PPP4R3A: variants seen among roughly 807,000 people sequenced by gnomAD.
PPP4R3A encodes protein phosphatase 4 regulatory subunit 3A.
A neutral mutation model predicts 91.7 loss-of-function variants in PPP4R3A; 15 were observed. The ratio of observed to expected loss-of-function variants is 0.16; its 90% CI spans 0.11 to 0.25. The LOEUF (loss-of-function observed/expected upper bound fraction) is 0.25, where lower values mean the gene tolerates loss of function less well. Ranked by LOEUF, PPP4R3A falls within the 10% of genes least tolerant of loss-of-function variation. PPP4R3A has a pLI of 1.00. For missense variants in PPP4R3A, 623 were observed against 998.4 expected (o/e 0.62, Z 5.07); for synonymous variants, 377 against 348.7 (o/e 1.08, Z -0.91).
At chr14:91,496,645 G>A (rs1483159092) in intron 1 of PPP4R3A, among the ~76,000 whole-genome samples, 2 of 152,100 alleles carry the variant, frequency 1.3e-5, no homozygotes, top group South Asian at 2.1e-4. Context: ...TGTTTTTCTG[G>A]TCTATTCAGG....
Position 91,458,389 on chromosome 14 carries a change from CCA to C in PPP4R3A, c.*368_*369del, listed in dbSNP as rs1027023244. On this transcript the variant is annotated 3_prime_UTR_variant, in exon 15 of 15. Coordinates refer to ENST00000554943, the MANE Select transcript of PPP4R3A (RefSeq NM_001366432.2). ...TAGTGAAGAATTATGGCAGAAAGGC[CCA>C]TTCTTCTGAGTCTCAAACATGGTCC... 7.3e-5 allele frequency: 20 copies of C among 274,238 alleles called. No homozygotes were observed. Among genetic ancestry groups the C allele is most frequent in the Non-Finnish European group, 1.2e-4 (17 of 139,974 alleles). The allele number at this position is 274,238 out of a possible 1,614,324, so 17.0% of individuals were successfully genotyped here. A position where few individuals can be genotyped will look rare whatever the true frequency, so the allele number is the denominator to read the frequency against.
At chr14:91,460,628 A>AT (rs1055026230) in intron 14 of PPP4R3A, among the ~76,000 whole-genome samples, 1 of 121,646 alleles carries the variant, frequency 8.2e-6, no homozygotes, top group Non-Finnish European at 1.7e-5. Flanking sequence ...TTTTCTTAAG[A>AT]TTTTGTTCCT....
chr14:91,498,914 A>G (rs1398258810), intron 1 of PPP4R3A, among the ~76,000 whole-genome samples: 1 of 107,306 alleles, frequency 9.3e-6, no homozygotes, highest in Non-Finnish European at 1.9e-5. Context: ...TGAGACTCCA[A>G]CTCAAAAAAA....
At chr14:91,478,357 C>A (rs1325884307) in intron 4 of PPP4R3A, among the ~76,000 whole-genome samples, 1 of 152,178 alleles carries the variant, frequency 6.6e-6, no homozygotes, top group Admixed American at 6.5e-5. Flanking sequence ...ACAAAGGAAG[C>A]AGTCAATGTT....
At chr14:91,490,898 T>C in intron 1 of PPP4R3A, 96 bp from the exon 2 acceptor site, 1 of 452,668 alleles carries the variant, frequency 2.2e-6, no homozygotes, top group Non-Finnish European at 3.4e-6. Flanking sequence ...AAAATAATAA[T>C]AATTTTTTTT....
chr14:91,478,114 C>T (rs981821892), intron 4 of PPP4R3A, among the ~76,000 whole-genome samples: 3 of 152,218 alleles, frequency 2.0e-5, no homozygotes, highest in Non-Finnish European at 4.4e-5. Flanking sequence ...TCTTCTGTGG[C>T]ACTAAGTTAG....
At chr14:91,500,228 G>A (rs376992486) in intron 1 of PPP4R3A, among the ~76,000 whole-genome samples, 854 of 2,040 alleles carry the variant, frequency 0.42, 9 homozygotes, top group African/African-American at 0.48. Flanking sequence ...TTTTTGAGAC[G>A]GATTTCACTC....
intron 1 of PPP4R3A, among the ~76,000 whole-genome samples, chr14:91,507,441 A>G (rs1200965158): frequency 2.2e-5 from 3 of 135,936 alleles, no homozygotes; most frequent in South Asian, 2.1e-4. Context: ...ATAATTATAT[A>G]TACTATATAG....
At chr14:91,475,194 T>C (rs1006109987) in intron 7 of PPP4R3A, 3 of 152,232 alleles carry the variant, frequency 2.0e-5, no homozygotes, top group African/African-American at 7.2e-5. Context: ...ATCAGAATCA[T>C]TGGTTCAATT....
intron 11 of PPP4R3A, among the ~76,000 whole-genome samples, chr14:91,464,270 G>A (rs547492918): frequency 1.6e-4 from 25 of 152,136 alleles, no homozygotes; most frequent in African/African-American, 4.8e-4. Context: ...GCAGTGAGTC[G>A]AGATCATGCC....
At chr14:91,461,052 ATTAG>A (rs1444388903) in intron 14 of PPP4R3A, among the ~76,000 whole-genome samples, 3 of 152,218 alleles carry the variant, frequency 2.0e-5, no homozygotes, top group Admixed American at 6.5e-5. Flanking sequence ...TTATCTGGGT[ATTAG>A]TTAGGAACAT....
chr14:91,460,635 TC>T (rs1443139528), intron 14 of PPP4R3A, among the ~76,000 whole-genome samples: 4 of 131,448 alleles, frequency 3.0e-5, no homozygotes, highest in African/African-American at 8.4e-5. Context: ...AAGATTTTGT[TC>T]CTTTTTTTTT....
chr14:91,469,766 G>A (rs1404082189), intron 10 of PPP4R3A, among the ~76,000 whole-genome samples: 7 of 151,978 alleles, frequency 4.6e-5, no homozygotes, highest in African/African-American at 1.4e-4. Flanking sequence ...GTTTCACCAT[G>A]TTACCCAGGC....
At chr14:91,490,073 G>C (rs1890146118) in intron 2 of PPP4R3A, among the ~76,000 whole-genome samples, 1 of 152,170 alleles carries the variant, frequency 6.6e-6, no homozygotes, top group Non-Finnish European at 1.5e-5. Context: ...GGCAATGAGG[G>C]AACTGATCTT....
chr14:91,466,468 G>A (rs1888473444), intron 10 of PPP4R3A: 1 of 984,634 alleles, frequency 1.0e-6, no homozygotes, highest in Non-Finnish European at 1.2e-6. Context: ...TTAGTTGGCA[G>A]AAAAGAGGTC....
chr14:91,469,052 T>A (rs1322916651), intron 10 of PPP4R3A, among the ~76,000 whole-genome samples: 6 of 148,812 alleles, frequency 4.0e-5, no homozygotes, highest in Non-Finnish European at 8.9e-5. Context: ...TGCCACTGAC[T>A]AAGCTACCAA....
At chr14:91,506,460 T>TC in intron 1 of PPP4R3A, among the ~76,000 whole-genome samples, 1 of 152,202 alleles carries the variant, frequency 6.6e-6, no homozygotes, top group East Asian at 1.9e-4. Context: ...TGACTTATTA[T>TC]CCCTATTTAG....
chr14:91,504,570 C>CCGGCG (rs1171640843), intron 1 of PPP4R3A, among the ~76,000 whole-genome samples: 2 of 151,064 alleles, frequency 1.3e-5, no homozygotes, highest in Admixed American at 6.6e-5. Context: ...CCATTGCACT[C>CCGGCG]CGGCCTAAGT....
rs769513155 is a variant in PPP4R3A, at chr14:91,473,287, G to A, written c.1350C>T (p.Gly450=). 1.3e-5 allele frequency: 21 copies of A among 1,614,008 alleles called. No homozygotes were observed. The Admixed American group carries it at 3.3e-4, about 26-fold the overall frequency. Residue 450 remains glycine, a synonymous_variant, in exon 8 of 15, where the codon GGC becomes GGT. Coordinates refer to ENST00000554943, the MANE Select transcript of PPP4R3A (RefSeq NM_001366432.2). Reference sequence around the variant, plus strand: ...CTGGGTCAACTAAAGTTCGAAGCAGGCCCATAAGCTGGACTGCTCCTCCAA... The same window carrying A: ...CTGGGTCAACTAAAGTTCGAAGCAGACCCATAAGCTGGACTGCTCCTCCAA... ...PELGGAVQLM[G]LLRTLVDPEN...
Sources: allele counts gnomAD v4.1 joint callset (sites outside exome capture counted in the v4.1 genomes callset), GRCh38; gene constraint gnomAD v4.1.1; transcripts MANE v1.5; gene names NCBI Gene and HGNC (gene_info 2026-07-23, HGNC 2026-07-21).